CT45A1: variants seen among roughly 807,000 people sequenced by gnomAD.
CT45A1 encodes the protein cancer/testis antigen 45-1.
upstream of CT45A1, among the ~76,000 whole-genome samples, chrX:135,712,253 G>A (rs2087939059): frequency 1.3e-5 from 1 of 79,043 alleles, no homozygotes; most frequent in Admixed American, 2.0e-4. Context: ...GCTCAATGCA[G>A]CCTCAAACTC....
At chrX:135,713,011 C>CTCTCTCTT (rs782125133), upstream of CT45A1, among the ~76,000 whole-genome samples, 1,544 of 59,671 alleles carry the variant, frequency 0.026, 51 homozygotes, top group Non-Finnish European at 0.036. Context: ...CTCTCTCTCT[C>CTCTCTCTT]TCTTTCTTTC....
upstream of CT45A1, among the ~76,000 whole-genome samples, chrX:135,713,195 GC>G (rs1367714652): frequency 9.9e-6 from 1 of 100,512 alleles, no homozygotes; most frequent in East Asian, 3.2e-4. Flanking sequence ...CCGCCACCAT[GC>G]CCAGCTAATT....
chrX:135,713,045 C>CT (rs1238585498), upstream of CT45A1, among the ~76,000 whole-genome samples: 163 of 63,486 alleles, frequency 2.6e-3, 2 homozygotes, highest in African/African-American at 7.8e-3. Context: ...TTCTTCTTTC[C>CT]TTTTTTTTTT....
At position 135,717,915 on chromosome X, in the gene CT45A1, C is replaced by T. The variant is rs185657937; in HGVS notation, c.-6-1020C>T. Among the ~76,000 whole-genome samples the T allele has an allele frequency of 3.0e-4, 34 of 111,813 alleles. No homozygotes were observed. The East Asian group carries it at 6.1e-3, about 20-fold the overall frequency. On this transcript the variant is annotated intron_variant, in intron 1 of 4. Transcript: ENST00000594565. ...CCAAATTTTAAACCTATTGTATTTTCCTGATGCTACAGCACTTTTTAGAAC... is the reference window on the plus strand; with the variant it reads ...CCAAATTTTAAACCTATTGTATTTTTCTGATGCTACAGCACTTTTTAGAAC...
chrX:135,709,100 G>T (rs1473951403), upstream of CT45A1, among the ~76,000 whole-genome samples: 1 of 112,173 alleles, frequency 8.9e-6, no homozygotes. Context: ...ATATCAGGTT[G>T]CCAGGGATGT....
At chrX:135,713,938 G>C (rs2148032400) in intron 1 of CT45A1, among the ~76,000 whole-genome samples, 1 of 105,748 alleles carries the variant, frequency 9.5e-6, no homozygotes, top group South Asian at 4.8e-4. Context: ...GCTTTTCTTG[G>C]GGGCTCTGTC....
At chrX:135,715,218 T>C (rs1354825588) in intron 1 of CT45A1, among the ~76,000 whole-genome samples, 71 of 66,879 alleles carry the variant, frequency 1.1e-3, no homozygotes, top group African/African-American at 3.0e-3. Context: ...ATATAATACT[T>C]ATATATATAT....
At chrX:135,711,131 T>C (rs1556569437), upstream of CT45A1, among the ~76,000 whole-genome samples, 3 of 111,645 alleles carry the variant, frequency 2.7e-5, no homozygotes, top group South Asian at 1.1e-3. Context: ...CCAACAAGAT[T>C]CCAGTCTCAT....
chrX:135,712,937 T>TTTTCTCTTTCTTTC (rs2087944334), upstream of CT45A1, among the ~76,000 whole-genome samples: 1 of 69,548 alleles, frequency 1.4e-5, no homozygotes, highest in African/African-American at 6.3e-5. Context: ...TCTTTTCTTT[T>TTTTCTCTTTCTTTC]TTTCTTTCTT....
chrX:135,712,914 C>CT (rs1286817047), upstream of CT45A1, among the ~76,000 whole-genome samples: 349 of 102,151 alleles, frequency 3.4e-3, 4 homozygotes, highest in African/African-American at 0.011. Context: ...TTCTTTCTTT[C>CT]TTTCTTTTCT....
upstream of CT45A1, among the ~76,000 whole-genome samples, chrX:135,712,199 T>TTC: frequency 1.1e-5 from 1 of 92,192 alleles, no homozygotes; most frequent in African/African-American, 3.9e-5. Flanking sequence ...TTTTTTTTTT[T>TTC]TTTTTAGACA....
upstream of CT45A1, among the ~76,000 whole-genome samples, chrX:135,711,674 G>A (rs1180310174): frequency 9.0e-6 from 1 of 111,386 alleles, no homozygotes; most frequent in East Asian, 2.8e-4. Context: ...CCAAATAATT[G>A]TGTCAAGAGT....
upstream of CT45A1, among the ~76,000 whole-genome samples, chrX:135,709,581 T>C (rs2087924418): frequency 8.9e-6 from 1 of 112,396 alleles, no homozygotes; most frequent in African/African-American, 3.2e-5. Context: ...ACTTCACTTT[T>C]AAGTGAAACA....
upstream of CT45A1, among the ~76,000 whole-genome samples, chrX:135,710,950 G>A (rs782169636): frequency 2.8e-4 from 31 of 111,883 alleles, no homozygotes; most frequent in African/African-American, 6.2e-4. Context: ...CCTATGCATG[G>A]TACATACTTA....
intron 1 of CT45A1, among the ~76,000 whole-genome samples, chrX:135,718,640 T>C (rs1220882496): frequency 1.8e-5 from 2 of 109,459 alleles, no homozygotes; most frequent in Non-Finnish European, 3.8e-5. Context: ...TTATACATCT[T>C]CAAATAGGTA....
At chrX:135,712,969 C>CTTTCTT (rs1569518637), upstream of CT45A1, among the ~76,000 whole-genome samples, 1 of 49,117 alleles carries the variant, frequency 2.0e-5, no homozygotes, top group African/African-American at 7.5e-5. Flanking sequence ...TTCTTTCTTT[C>CTTTCTT]TTTCTTTTCT....
rs1377615218 is a variant in CT45A1, at chrX:135,714,173, G to T, written c.-7+483G>T. On this transcript the variant is annotated intron_variant, in intron 1 of 4. Transcript: ENST00000594565. ...GCCGCCCTGTGGGATCGCTGACGGG[G>T]GCTTTATCTCAACCTGCGAGGGACT... Among the ~76,000 whole-genome samples the T allele has an allele frequency of 2.7e-5, 3 of 109,590 alleles. No homozygotes were observed. In the Admixed American group the frequency reaches 2.9e-4, roughly 11 times the overall value.
At chrX:135,709,173 A>G (rs1394426703), upstream of CT45A1, among the ~76,000 whole-genome samples, 1 of 112,306 alleles carries the variant, frequency 8.9e-6, no homozygotes, top group African/African-American at 3.2e-5. Flanking sequence ...CAACAATTTG[A>G]TTAAGTTTAT....
At position 135,718,357 on chromosome X, in the gene CT45A1, T is replaced by G. The variant is rs782314834; in HGVS notation, c.-6-578T>G. 2.7e-5 allele frequency among the ~76,000 whole-genome samples: 3 copies of G among 111,453 alleles called. No homozygotes were observed. The East Asian group carries it at 8.4e-4, about 31-fold the overall frequency. On this transcript the variant is annotated intron_variant, in intron 1 of 4. Transcript: ENST00000594565. Reference sequence around the variant, plus strand: ...CAGGGGTGATATTGGCTTGTATTTTTGGCTTGATCTTGTAGTTTTTCATTC... The same window carrying G: ...CAGGGGTGATATTGGCTTGTATTTTGGGCTTGATCTTGTAGTTTTTCATTC...
Sources: gnomAD v4.1 joint callset for allele counts (sites outside exome capture counted in the v4.1 genomes callset) on GRCh38, gnomAD v4.1.1 for gene constraint, MANE v1.5 for transcripts, NCBI Gene and HGNC (gene_info 2026-07-23, HGNC 2026-07-21) for gene names.